The following RANBP2 variants were observed in gnomAD, a reference collection of about 807,000 sequenced individuals.
RANBP2 encodes RAN binding protein 2.
In RANBP2, 57 loss-of-function variants were observed where a neutral mutation model predicts 303.6. The ratio of observed to expected loss-of-function variants is 0.19; its 90% confidence interval spans 0.15 to 0.23. The LOEUF (loss-of-function observed/expected upper bound fraction) is 0.23, where lower values mean the gene tolerates loss of function less well. RANBP2 is among the 10% of genes least tolerant of loss of function. The pLI is 1.00. For synonymous variants in RANBP2, 1,167 were observed against 1,301.5 expected (o/e 0.90, Z 2.23); for missense variants, 3,138 against 3,780.8 (o/e 0.83, Z 4.46).
chr2:108,768,904 G>T (rs1171807774), intron 20 of RANBP2, among the ~76,000 whole-genome samples: 1 of 151,964 alleles, frequency 6.6e-6, no homozygotes, highest in African/African-American at 2.4e-5. Flanking sequence ...GTCGTGGTGC[G>T]TGCCTATAAT....
At chr2:109,501,142 C>A in the RANBP2 span, among the ~76,000 whole-genome samples, 1 of 151,844 alleles carries the variant, frequency 6.6e-6, no homozygotes, top group South Asian at 2.1e-4. Flanking sequence ...TTTTCCTGAC[C>A]CTCCCCCGCC....
At chr2:109,067,957 G>C in the RANBP2 span, among the ~76,000 whole-genome samples, 38 of 152,280 alleles carry the variant, frequency 2.5e-4, no homozygotes, top group African/African-American at 8.2e-4. Flanking sequence ...GGCTGGGCTT[G>C]CTGCTGCTCT....
the RANBP2 span, among the ~76,000 whole-genome samples, chr2:108,867,247 G>C: frequency 6.6e-6 from 1 of 152,144 alleles, no homozygotes. Context: ...AAGAAGAAGA[G>C]GTGGACACAA....
chr2:108,988,719 C>T, the RANBP2 span, among the ~76,000 whole-genome samples: 16 of 152,198 alleles, frequency 1.1e-4, no homozygotes, highest in African/African-American at 3.4e-4. Context: ...ATTTGTCTCC[C>T]TAACCAAATG....
the RANBP2 span, among the ~76,000 whole-genome samples, chr2:109,227,624 G>A: frequency 1.3e-5 from 2 of 152,176 alleles, no homozygotes; most frequent in Admixed American, 1.3e-4. Context: ...CCTGGATCTG[G>A]CCTGGCCATG....
At chr2:108,822,837 T>G in the RANBP2 span, among the ~76,000 whole-genome samples, 10,676 of 151,794 alleles carry the variant, frequency 0.07, 1,275 homozygotes, top group African/African-American at 0.24. Flanking sequence ...GGAAGAGAGA[T>G]CAAAATCAAA....
chr2:109,249,519 T>TTCTTTCTTTCTC, the RANBP2 span, among the ~76,000 whole-genome samples: 5 of 61,900 alleles, frequency 8.1e-5, no homozygotes, highest in Non-Finnish European at 1.3e-4. Context: ...CATTCTTTCT[T>TTCTTTCTTTCTC]TTTCTTTCTT....
At chr2:109,448,880 A>G in the RANBP2 span, among the ~76,000 whole-genome samples, 1 of 152,200 alleles carries the variant, frequency 6.6e-6, no homozygotes, top group Non-Finnish European at 1.5e-5. Context: ...GAATGTGCCC[A>G]TGTTCATGGC....
At chr2:109,340,631 A>C in the RANBP2 span, among the ~76,000 whole-genome samples, 1 of 152,184 alleles carries the variant, frequency 6.6e-6, no homozygotes, top group Non-Finnish European at 1.5e-5. Context: ...AGGGTCCTGG[A>C]ACATCTGTTT....
chr2:109,356,930 C>T, the RANBP2 span, among the ~76,000 whole-genome samples: 1,440 of 152,268 alleles, frequency 9.5e-3, 10 homozygotes, highest in African/African-American at 0.022. Flanking sequence ...TGCCATGACT[C>T]GGTTCTGGAC....
chr2:108,814,300 G>T, the RANBP2 span, among the ~76,000 whole-genome samples: 6 of 152,010 alleles, frequency 3.9e-5, no homozygotes, highest in African/African-American at 1.4e-4. Flanking sequence ...TCTTCATTTT[G>T]ACCCTTCCAG....
At chr2:109,620,538 CA>C in the RANBP2 span, among the ~76,000 whole-genome samples, 6 of 152,066 alleles carry the variant, frequency 3.9e-5, no homozygotes, top group African/African-American at 1.4e-4. Flanking sequence ...CCAGTCTCTA[CA>C]AAAAATACAC....
chr2:109,522,347 G>A, the RANBP2 span, among the ~76,000 whole-genome samples: 1 of 150,374 alleles, frequency 6.7e-6, no homozygotes, highest in African/African-American at 2.5e-5. Context: ...GCTTGAGTGC[G>A]ATGGCGCAAT....
the RANBP2 span, among the ~76,000 whole-genome samples, chr2:109,088,586 C>T: frequency 6.6e-6 from 1 of 151,962 alleles, no homozygotes; most frequent in Non-Finnish European, 1.5e-5. Flanking sequence ...GATCTTGGCT[C>T]ACTGCAATCT....
the RANBP2 span, among the ~76,000 whole-genome samples, chr2:108,828,860 C>G: frequency 6.6e-6 from 1 of 152,068 alleles, no homozygotes; most frequent in Non-Finnish European, 1.5e-5. Flanking sequence ...CACCTGTAAT[C>G]CCAGGTACTC....
At chr2:109,360,505 G>A in the RANBP2 span, among the ~76,000 whole-genome samples, 3 of 152,276 alleles carry the variant, frequency 2.0e-5, no homozygotes, top group South Asian at 2.1e-4. Flanking sequence ...TGAATTTTGT[G>A]TTTAGACTGG....
At position 108,765,147 on chromosome 2, in the gene RANBP2, T is replaced by G. The variant is rs748551859; in HGVS notation, c.4608T>G (p.Phe1536Leu). ...SETSKTLKSGFEDMFAKKEGQ... is the reference protein window; with the variant it reads ...SETSKTLKSGLEDMFAKKEGQ... ...CAAGTAAAACTCTAAAAAGTGGATT[T>G]GAAGACATGTTTGCTAAGAAGGAAG... The change falls in exon 20 of 29, where the codon TTT becomes TTG. Residue 1536 changes from phenylalanine (F) to leucine (L), a missense_variant. Phe to Leu is a conservative substitution (Grantham distance 22). Around this residue, in one of 20 missense-constraint regions of RANBP2, gnomAD observed 388 missense variants for 328.5 expected, o/e 1.18. Coordinates refer to ENST00000283195, the MANE Select transcript of RANBP2 (RefSeq NM_006267.5). 1.4e-5 allele frequency: 22 copies of G among 1,614,070 alleles called. No homozygotes were observed. In the South Asian group the frequency reaches 2.4e-4, roughly 18 times the overall value.
the RANBP2 span, among the ~76,000 whole-genome samples, chr2:109,472,771 T>A: frequency 6.6e-6 from 1 of 152,216 alleles, no homozygotes; most frequent in Non-Finnish European, 1.5e-5. Context: ...ATGGCTGTGT[T>A]GTATTTGTCC....
chr2:109,627,925 G>T, the RANBP2 span, among the ~76,000 whole-genome samples: 2 of 152,160 alleles, frequency 1.3e-5, no homozygotes, highest in Non-Finnish European at 2.9e-5. Flanking sequence ...ATCATTTGGG[G>T]GTGTCACTGT....
Sources: allele counts gnomAD v4.1 joint callset (sites outside exome capture counted in the v4.1 genomes callset), GRCh38; gene constraint gnomAD v4.1.1; regional missense constraint gnomAD v4.1.1; transcripts MANE v1.5; gene names NCBI Gene and HGNC (gene_info 2026-07-23, HGNC 2026-07-21).